The following PEMT variants were observed in gnomAD, a reference collection of about 807,000 sequenced individuals.
PEMT encodes phospholipid methyltransferase.
PEMT carries 23 observed loss-of-function variants against 27.4 expected under a neutral mutation model. The observed-to-expected ratio is 0.84, with a 90% CI of 0.60 to 1.19. The LOEUF (loss-of-function observed/expected upper bound fraction) is 1.19, where lower values mean the gene tolerates loss of function less well. Among genes scored for constraint, PEMT ranks in the 50% most tolerant of loss-of-function variants. PEMT has a pLI of 0.00. For synonymous variants in PEMT, 137 were observed against 139.1 expected (o/e 0.98, Z 0.11); for missense variants, 307 against 310.1 (o/e 0.99, Z 0.07).
In PEMT at chr17:17,522,369, G is replaced by C. The variant is rs369046195; in HGVS notation, c.231C>G (p.Arg77=). 1.9e-6 allele frequency: 3 copies of C among 1,613,538 alleles called. No individual in the cohort carries two copies. The Admixed American group carries it at 5.0e-5, about 27-fold the overall frequency. Residue 77 remains arginine (R), a synonymous_variant, in exon 3 of 7, where the codon CGC becomes CGG. Transcript: ENST00000255389. Reference sequence around the variant, plus strand: ...GGGATCCGAAGGCCCTGCTCAGCTTGCGGGTCTTGTGTTCCCATCGTGCAA... The same window carrying C: ...GGGATCCGAAGGCCCTGCTCAGCTTCCGGGTCTTGTGTTCCCATCGTGCAA... ...NVVARWEHKT[R]KLSRAFGSPY... is the part of the protein sequence containing the mutation.
At chr17:17,578,935 T>G (rs1166776615) in intron 1 of PEMT, among the ~76,000 whole-genome samples, 2 of 152,080 alleles carry the variant, frequency 1.3e-5, no homozygotes, top group Non-Finnish European at 2.9e-5. Context: ...TAATAAAAAT[T>G]TTTTTAAAAA....
chr17:17,562,188 A>C (rs1328266123), intron 2 of PEMT, among the ~76,000 whole-genome samples: 1 of 152,224 alleles, frequency 6.6e-6, no homozygotes, highest in African/African-American at 2.4e-5. Context: ...CACACGGCCG[A>C]GGCCCTGACA....
chr17:17,508,722 G>T (rs1041333208), intron 5 of PEMT: 7 of 460,466 alleles, frequency 1.5e-5, no homozygotes, highest in South Asian at 1.1e-4. Flanking sequence ...TGACCCGCCG[G>T]GGGAGCACAT....
At chr17:17,536,029 C>T (rs1356509518) in intron 2 of PEMT, among the ~76,000 whole-genome samples, 2 of 152,192 alleles carry the variant, frequency 1.3e-5, no homozygotes, top group African/African-American at 4.8e-5. Flanking sequence ...CCACTGTCTC[C>T]CCAAGGGCCT....
At chr17:17,565,047 C>T (rs991415306) in intron 2 of PEMT, among the ~76,000 whole-genome samples, 3 of 152,222 alleles carry the variant, frequency 2.0e-5, no homozygotes, top group African/African-American at 7.2e-5. Flanking sequence ...TGCGAGACAA[C>T]AGCTGGTTTT....
At chr17:17,583,188 A>T (rs1322774887) in intron 1 of PEMT, among the ~76,000 whole-genome samples, 1 of 152,084 alleles carries the variant, frequency 6.6e-6, no homozygotes, top group African/African-American at 2.4e-5. Context: ...ACCAGCCTGG[A>T]CAACATGGTG....
intron 1 of PEMT, among the ~76,000 whole-genome samples, chr17:17,589,833 A>T (rs890695060): frequency 2.0e-5 from 3 of 152,230 alleles, no homozygotes; most frequent in African/African-American, 7.2e-5. Context: ...CAAGGACAGC[A>T]GAAGAAAAGC....
At chr17:17,536,994 C>T (rs765248589) in intron 2 of PEMT, among the ~76,000 whole-genome samples, 3 of 152,216 alleles carry the variant, frequency 2.0e-5, no homozygotes, top group Admixed American at 6.5e-5. Context: ...GCAGGTAAGA[C>T]GGCCTCAGCT....
intron 3 of PEMT, among the ~76,000 whole-genome samples, chr17:17,514,663 C>G (rs1906679737): frequency 6.6e-6 from 1 of 152,238 alleles, no homozygotes; most frequent in Non-Finnish European, 1.5e-5. Flanking sequence ...GGGATTGGCT[C>G]AGGGTCACGG....
chr17:17,507,246 G>T, intron 5 of PEMT: 1 of 1,457,318 alleles, frequency 6.9e-7, no homozygotes, highest in Non-Finnish European at 9.4e-7. Flanking sequence ...GGAAGGAGAG[G>T]GAGGAAAGGA....
chr17:17,573,302 T>C (rs539382887), intron 2 of PEMT, among the ~76,000 whole-genome samples: 2 of 151,438 alleles, frequency 1.3e-5, no homozygotes, highest in African/African-American at 2.4e-5. Flanking sequence ...CCATCTCTAC[T>C]AAAACTACAA....
Position 17,513,433 on chromosome 17 carries a change from C to A in PEMT, c.321-779G>T, listed in dbSNP as rs2054198059. On this transcript the variant is annotated intron_variant, in intron 3 of 6. Coordinates refer to ENST00000255389, the MANE Select transcript of PEMT (RefSeq NM_148172.3). The surrounding 1 kb of genome is among the most constrained non-coding windows in gnomAD (Gnocchi z 4.1). ...CCAACATGGTGAAACCCTGTCTCTA[C>A]CCAAAATACAAAAATTAGCTGGGTG... 6.6e-6 allele frequency among the ~76,000 whole-genome samples: 1 copy of A among 152,062 alleles called. No individual in the cohort carries two copies. Among genetic ancestry groups the A allele is most frequent in the Non-Finnish European group, 1.5e-5 (1 of 68,022 alleles).
intron 2 of PEMT, among the ~76,000 whole-genome samples, chr17:17,547,584 A>T (rs182447366): frequency 1.9e-3 from 283 of 152,324 alleles, no homozygotes; most frequent in Non-Finnish European, 3.5e-3. Context: ...AAAAGTCCCA[A>T]GTTCAGCCTG....
intron 1 of PEMT, among the ~76,000 whole-genome samples, chr17:17,588,396 G>C (rs1046416619): frequency 3.3e-5 from 5 of 152,154 alleles, no homozygotes; most frequent in Admixed American, 6.5e-5. Context: ...TTACTCGGGT[G>C]CCCATATTAC....
intron 5 of PEMT, among the ~76,000 whole-genome samples, chr17:17,506,741 T>G (rs1905889143): frequency 6.6e-6 from 1 of 152,164 alleles, no homozygotes; most frequent in African/African-American, 2.4e-5. Flanking sequence ...TAGAAATGAG[T>G]CCAGGGTCCC....
At position 17,568,433 on chromosome 17, in the gene PEMT, C is replaced by T. The variant is rs184359909; in HGVS notation, c.204+8487G>A. On this transcript the variant is annotated intron_variant, in intron 2 of 6. Transcript: ENST00000255389. ...CCAATCTGACCTTGTTAATCCAGTG[C>T]CAGCCCAGGAGGGCAGGGTCCCGTC... 1.1e-4 allele frequency among the ~76,000 whole-genome samples: 17 copies of T among 152,380 alleles called. No homozygotes were observed. The Middle Eastern group carries it at 0.017, about 152-fold the overall frequency.
chr17:17,546,722 G>C (rs1275165389), intron 2 of PEMT, among the ~76,000 whole-genome samples: 3 of 152,236 alleles, frequency 2.0e-5, no homozygotes, highest in African/African-American at 7.2e-5. Context: ...AGAGAGGCTG[G>C]GACAAGGTGG....
chr17:17,527,687 G>A, intron 2 of PEMT, among the ~76,000 whole-genome samples: 1 of 152,232 alleles, frequency 6.6e-6, no homozygotes, highest in Middle Eastern at 3.2e-3. Context: ...GTTTTGGAAT[G>A]GGCAAAAGGG....
At chr17:17,586,508 G>T (rs764318700) in intron 1 of PEMT, among the ~76,000 whole-genome samples, 1 of 152,172 alleles carries the variant, frequency 6.6e-6, no homozygotes, top group African/African-American at 2.4e-5. Context: ...AATTAAACTC[G>T]AAATCAGTCA....
Sources: allele counts gnomAD v4.1 joint callset (sites outside exome capture counted in the v4.1 genomes callset), GRCh38; gene constraint gnomAD v4.1.1; non-coding constraint Gnocchi (gnomAD v3.1); transcripts MANE v1.5; gene names NCBI Gene and HGNC (gene_info 2026-07-23, HGNC 2026-07-21).